The following MIER2 variants were observed in gnomAD, a reference collection of about 807,000 sequenced individuals.
MIER2 encodes the protein mesoderm induction early response protein 2.
Under a neutral mutation model 67.6 loss-of-function variants are expected in MIER2, and 30 were observed. That is an observed-to-expected ratio of 0.44 (90% CI 0.33 to 0.60). MIER2 has a LOEUF of 0.60. Ranked by LOEUF, MIER2 falls within the 20% of genes least tolerant of loss-of-function variation. The pLI, the probability that MIER2 is intolerant of heterozygous loss-of-function variation, is 0.02. For missense variants in MIER2, 702 were observed against 745.1 expected, an observed-to-expected ratio of 0.94 and a Z score of 0.67; for synonymous variants, 372 against 312.6, an observed-to-expected ratio of 1.19 and a Z score of -2.00.
chr19:328,522 C>T (rs1463122419), intron 3 of MIER2, among the ~76,000 whole-genome samples: 1 of 151,954 alleles, frequency 6.6e-6, no homozygotes, highest in Admixed American at 6.5e-5. Flanking sequence ...CTACAGCAGG[C>T]AGATCACTTG....
chr19:335,856 G>A (rs1268695860), intron 2 of MIER2, among the ~76,000 whole-genome samples: 2 of 152,170 alleles, frequency 1.3e-5, no homozygotes, highest in Non-Finnish European at 2.9e-5. Flanking sequence ...GGGCTCTGAG[G>A]ATGGTCTTGG....
intron 6 of MIER2, among the ~76,000 whole-genome samples, chr19:326,172 G>A (rs867123526): frequency 6.6e-6 from 1 of 152,164 alleles, no homozygotes; most frequent in Non-Finnish European, 1.5e-5. Context: ...GGACACGGCA[G>A]AACCACGGCT....
chr19:306,319 G>T lies in MIER2; in HGVS notation c.*371C>A, dbSNP rs907472913. 9.8e-6 allele frequency: 3 copies of T among 307,614 alleles called. No homozygotes were observed. The highest frequency in any genetic ancestry group is 1.3e-4 in the East Asian group (2 of 15,678). 19.1% of individuals were successfully genotyped at this position (307,614 alleles called of 1,614,324 possible). A position where few individuals can be genotyped will look rare whatever the true frequency, so the allele number is the denominator to read the frequency against. ...GGGCGTCCTGCCCGTCTCCCCGCCG[G>T]GGCAGTGACGCCTTCCCTCGCCTCT... On this transcript the variant is annotated 3_prime_UTR_variant, in exon 14 of 14. Coordinates refer to ENST00000264819, the MANE Select transcript of MIER2 (RefSeq NM_017550.3).
rs2145479315 is a variant in MIER2 at position 327,345 on chromosome 19, A to G, written c.370-89T>C. 5 of 1,458,674 alleles carry G rather than the reference A, an allele frequency of 3.4e-6. No individual in the cohort carries two copies. The South Asian group carries it at 5.0e-5, about 15-fold the overall frequency. 90.4% of individuals were successfully genotyped at this position (1,458,674 alleles called of 1,614,324 possible). A position where few individuals can be genotyped will look rare whatever the true frequency, so the allele number is the denominator to read the frequency against. On this transcript the variant is annotated intron_variant, in intron 4 of 13. Coordinates refer to ENST00000264819, the MANE Select transcript of MIER2 (RefSeq NM_017550.3). ...TGATAACAACAGTAAAGACACTGGG[A>G]GTGCCCTGAGGCTCACATGGGGCTG...
At chr19:327,829 G>A (rs775421755) in intron 4 of MIER2, 35 bp downstream of exon 4, 3 of 1,609,992 alleles carry the variant, frequency 1.9e-6, no homozygotes, top group Non-Finnish European at 2.5e-6. Flanking sequence ...CCCACCTTCA[G>A]CTGTGAGCCA....
chr19:319,710 G>C (rs1194832609), intron 7 of MIER2, among the ~76,000 whole-genome samples: 1 of 152,056 alleles, frequency 6.6e-6, no homozygotes, highest in African/African-American at 2.4e-5. Flanking sequence ...GCCCACCCCA[G>C]CCTCCCAAAG....
chr19:308,310 C>A lies in MIER2; in HGVS notation c.1198+267G>T, dbSNP rs1282995240. ...TGAGGCCTGGTAAATACCCCAACCT[C>A]ACCATACGGGGCTCCCCAGCAGTGG... On this transcript the variant is annotated intron_variant, in intron 12 of 13. Transcript: ENST00000264819. The surrounding 1 kb of genome is among the most constrained non-coding windows in gnomAD (Gnocchi z 9.1). Among the ~76,000 whole-genome samples the A allele has an allele frequency of 6.6e-6, 1 of 152,172 alleles. No individual in the cohort carries two copies. Among genetic ancestry groups the A allele is most frequent in the East Asian group, 1.9e-4 (1 of 5,188 alleles).
intron 7 of MIER2, among the ~76,000 whole-genome samples, chr19:317,323 C>T (rs914142507): frequency 7.9e-5 from 12 of 151,802 alleles, no homozygotes; most frequent in African/African-American, 2.2e-4. Flanking sequence ...GTCAGGAGAT[C>T]GAGACCACCC....
chr19:314,840 A>T (rs1001280498), intron 7 of MIER2, among the ~76,000 whole-genome samples: 1 of 152,194 alleles, frequency 6.6e-6, no homozygotes, highest in Admixed American at 6.5e-5. Flanking sequence ...CTGTAATCCC[A>T]GCACTCTGGG....
chr19:328,321 C>T (rs574688671), intron 3 of MIER2, among the ~76,000 whole-genome samples: 1 of 151,574 alleles, frequency 6.6e-6, no homozygotes, highest in Non-Finnish European at 1.5e-5. Flanking sequence ...AAGGATGGTG[C>T]GACACCTGGC....
intron 7 of MIER2, among the ~76,000 whole-genome samples, chr19:314,511 T>C (rs1029230336): frequency 6.6e-6 from 1 of 151,940 alleles, no homozygotes; most frequent in African/African-American, 2.4e-5. Flanking sequence ...GGAAGAAATG[T>C]GAAAAACGCA....
intron 7 of MIER2, among the ~76,000 whole-genome samples, chr19:319,956 A>G (rs1278179514): frequency 6.6e-6 from 1 of 152,192 alleles, no homozygotes; most frequent in Non-Finnish European, 1.5e-5. Context: ...GGGATTAAAT[A>G]CGTATATGTT....
At chr19:316,541 C>A (rs1179235091) in intron 7 of MIER2, among the ~76,000 whole-genome samples, 1 of 152,204 alleles carries the variant, frequency 6.6e-6, no homozygotes, top group African/African-American at 2.4e-5. Context: ...CTGCCTGCCT[C>A]GGCCTCCCAA....
At chr19:333,913 C>T (rs1005336588) in intron 3 of MIER2, among the ~76,000 whole-genome samples, 4 of 152,076 alleles carry the variant, frequency 2.6e-5, no homozygotes, top group Non-Finnish European at 4.4e-5. Flanking sequence ...AGGACGGTCT[C>T]GATCTCCTGA....
chr19:315,442 G>A (rs1042252430), intron 7 of MIER2, among the ~76,000 whole-genome samples: 3 of 152,220 alleles, frequency 2.0e-5, no homozygotes, highest in Admixed American at 2.0e-4. Context: ...GTCAGCACAC[G>A]AAGACTTCAA....
At position 306,599 on chromosome 19, in the gene MIER2, G is replaced by A; in HGVS notation, c.*91C>T. 2 of 1,504,722 alleles carry A rather than the reference G, an allele frequency of 1.3e-6. No homozygotes were observed. The highest frequency in any genetic ancestry group is 9.0e-7 in the Non-Finnish European group (1 of 1,106,024). The allele number at this position is 1,504,722 out of a possible 1,614,324, so 93.2% of individuals were successfully genotyped here. On this transcript the variant is annotated 3_prime_UTR_variant, in exon 14 of 14. Coordinates refer to ENST00000264819, the MANE Select transcript of MIER2 (RefSeq NM_017550.3). Reference sequence around the variant, plus strand: ...GGAGGTGCTACCCCAAGGCCCGGGGGGTGGGGAAGGGGTCAGGAAGACTGA... The same window carrying A: ...GGAGGTGCTACCCCAAGGCCCGGGGAGTGGGGAAGGGGTCAGGAAGACTGA...
Position 321,886 on chromosome 19 carries a change from G to GTTTTTA in MIER2, c.655+3743_655+3748dup, listed in dbSNP as rs545011226. On this transcript the variant is annotated intron_variant, in intron 7 of 13. Coordinates refer to ENST00000264819, the MANE Select transcript of MIER2 (RefSeq NM_017550.3). ...GTGGGGGAGACAATGGACTTTTGTT[G>GTTTTTA]TTTTTATTTTTATTTTTATTTTTAT... Among the ~76,000 whole-genome samples the GTTTTTA allele has an allele frequency of 5.0e-4, 76 of 151,884 alleles. 1 individual carries two copies. Among genetic ancestry groups the GTTTTTA allele is most frequent in the African/African-American group, 1.7e-3 (72 of 41,346 alleles).
At chr19:316,876 G>A (rs1439506155) in intron 7 of MIER2, among the ~76,000 whole-genome samples, 1 of 152,038 alleles carries the variant, frequency 6.6e-6, no homozygotes, top group Non-Finnish European at 1.5e-5. Context: ...GGCTGAGGCA[G>A]GAGAATCGCT....
chr19:337,015 G>A (rs1028400879), intron 1 of MIER2, among the ~76,000 whole-genome samples: 2 of 151,968 alleles, frequency 1.3e-5, no homozygotes, highest in Non-Finnish European at 2.9e-5. Flanking sequence ...GCTAATTTCT[G>A]TATTTTTACT....
Sources: allele counts gnomAD v4.1 joint callset (sites outside exome capture counted in the v4.1 genomes callset), GRCh38; gene constraint gnomAD v4.1.1; non-coding constraint Gnocchi (gnomAD v3.1); transcripts MANE v1.5; gene names NCBI Gene and HGNC (gene_info 2026-07-23, HGNC 2026-07-21).